SYNPR: variants seen among roughly 807,000 people sequenced by gnomAD.
SYNPR encodes the protein synaptoporin.
SYNPR carries 23 observed loss-of-function variants against 32.9 expected under a neutral mutation model. The observed-to-expected ratio is 0.70, with a 90% confidence interval of 0.50 to 0.99. The LOEUF (loss-of-function observed/expected upper bound fraction) is 0.99. SYNPR is among the 50% of genes least tolerant of loss of function. SYNPR has a pLI of 0.00. For synonymous variants in SYNPR, 146 were observed against 135.9 expected, an observed-to-expected ratio of 1.07 and a Z score of -0.52; for missense variants, 318 against 349.3, an observed-to-expected ratio of 0.91 and a Z score of 0.71.
intron 3 of SYNPR, among the ~76,000 whole-genome samples, chr3:63,533,417 C>A (rs115151041): frequency 0.012 from 1,856 of 152,204 alleles, 26 homozygotes; most frequent in African/African-American, 0.038. Flanking sequence ...GCAACAAAAA[C>A]GTGCATATGG....
At chr3:63,507,252 T>C (rs1701606688) in intron 3 of SYNPR, among the ~76,000 whole-genome samples, 1 of 152,110 alleles carries the variant, frequency 6.6e-6, no homozygotes, top group Non-Finnish European at 1.5e-5. Flanking sequence ...ATTTTAACCA[T>C]ATCTGCCCCA....
At chr3:63,554,396 A>G (rs952758535) in intron 3 of SYNPR, among the ~76,000 whole-genome samples, 1 of 152,216 alleles carries the variant, frequency 6.6e-6, no homozygotes, top group Non-Finnish European at 1.5e-5. Flanking sequence ...ATATGGTGAA[A>G]GGTAAGGGTC....
chr3:63,322,727 C>A (rs2087123989), intron 2 of SYNPR, among the ~76,000 whole-genome samples: 1 of 152,030 alleles, frequency 6.6e-6, no homozygotes, highest in Non-Finnish European at 1.5e-5. Context: ...GAGCTTAGGT[C>A]TGTGTGGGGC....
At chr3:63,355,802 C>A (rs1394829498) in intron 2 of SYNPR, among the ~76,000 whole-genome samples, 1 of 152,156 alleles carries the variant, frequency 6.6e-6, no homozygotes, top group African/African-American at 2.4e-5. Context: ...ACCTAGTTAA[C>A]TTTGACTCAT....
At chr3:63,388,719 C>T (rs1044344208) in intron 2 of SYNPR, among the ~76,000 whole-genome samples, 5 of 152,004 alleles carry the variant, frequency 3.3e-5, no homozygotes, top group Admixed American at 1.3e-4. Flanking sequence ...TGAGCCACCA[C>T]GCCCAGCCTG....
At chr3:63,598,118 A>C (rs1699987934) in intron 4 of SYNPR, among the ~76,000 whole-genome samples, 1 of 152,248 alleles carries the variant, frequency 6.6e-6, no homozygotes, top group Non-Finnish European at 1.5e-5. Context: ...TCAAGTAGCC[A>C]AAACAGACAA....
chr3:63,358,381 C>T (rs528572620), intron 2 of SYNPR, among the ~76,000 whole-genome samples: 4 of 152,288 alleles, frequency 2.6e-5, no homozygotes, highest in Non-Finnish European at 4.4e-5. Context: ...TTGCATGGCT[C>T]CAATCTCTGC....
Position 63,572,388 on chromosome 3 carries a change from T to A in SYNPR, c.408+15647T>A, listed in dbSNP as rs2106848476. Reference sequence around the variant, plus strand: ...ATTATTCAAAGTCTTCTGTCCTGTCTAAAGCATTGTTCTTGCAACAAGGAT... The same window carrying A: ...ATTATTCAAAGTCTTCTGTCCTGTCAAAAGCATTGTTCTTGCAACAAGGAT... On this transcript the variant is annotated intron_variant, in intron 4 of 5. Transcript: ENST00000478300. 1.3e-5 allele frequency among the ~76,000 whole-genome samples: 2 copies of A among 152,324 alleles called. 1 individual carries two copies. Among genetic ancestry groups the A allele is most frequent in the South Asian group, 4.1e-4 (2 of 4,832 alleles).
At chr3:63,531,217 A>C (rs1702107562) in intron 3 of SYNPR, among the ~76,000 whole-genome samples, 1 of 152,128 alleles carries the variant, frequency 6.6e-6, no homozygotes, top group Non-Finnish European at 1.5e-5. Flanking sequence ...GGCTGCCATA[A>C]CAAAGCATCA....
At chr3:63,562,913 T>C (rs950268622) in intron 4 of SYNPR, among the ~76,000 whole-genome samples, 46 of 152,302 alleles carry the variant, frequency 3.0e-4, no homozygotes, top group South Asian at 1.5e-3. Context: ...TTAATAATAA[T>C]GTGCACATCA....
At position 63,341,015 on chromosome 3, in the gene SYNPR, C is replaced by T. The variant is rs779786222; in HGVS notation, c.84+62273C>T. On this transcript the variant is annotated intron_variant, in intron 2 of 5. Transcript: ENST00000478300. Reference sequence around the variant, plus strand: ...GAATAGTTTAATCCCCCTAAAAATCCTCTATGCTCTATCTAGTCATCTCTC... The same window carrying T: ...GAATAGTTTAATCCCCCTAAAAATCTTCTATGCTCTATCTAGTCATCTCTC... 1.3e-3 allele frequency among the ~76,000 whole-genome samples: 192 copies of T among 152,258 alleles called. 1 individual carries two copies. The highest frequency in any genetic ancestry group is 1.6e-3 in the Non-Finnish European group (107 of 68,030).
chr3:63,597,312 T>C (rs1699976268), intron 4 of SYNPR, among the ~76,000 whole-genome samples: 1 of 152,184 alleles, frequency 6.6e-6, no homozygotes, highest in African/African-American at 2.4e-5. Context: ...AAATCCAGCA[T>C]TATTAACATA....
intron 3 of SYNPR, among the ~76,000 whole-genome samples, chr3:63,497,554 T>TG (rs1262485453): frequency 7.2e-6 from 1 of 138,152 alleles, no homozygotes; most frequent in Non-Finnish European, 1.5e-5. Context: ...GTGTTGCTGT[T>TG]TTTTTTTTTT....
At chr3:63,468,808 T>TACAA (rs931645689) in intron 2 of SYNPR, among the ~76,000 whole-genome samples, 13 of 151,910 alleles carry the variant, frequency 8.6e-5, no homozygotes, top group African/African-American at 1.2e-4. Context: ...CTCAAAAACA[T>TACAA]ACAAACAAAC....
intron 3 of SYNPR, among the ~76,000 whole-genome samples, chr3:63,525,776 T>C (rs1489147838): frequency 6.6e-6 from 1 of 152,200 alleles, no homozygotes; most frequent in Admixed American, 6.5e-5. Context: ...GGTTTGGCCA[T>C]GAACCAGGGA....
At chr3:63,259,961 T>G (rs548756997) in intron 2 of SYNPR, among the ~76,000 whole-genome samples, 1 of 152,102 alleles carries the variant, frequency 6.6e-6, no homozygotes, top group African/African-American at 2.4e-5. Flanking sequence ...GAGTGAACTC[T>G]CATTCACAAT....
At position 63,447,950 on chromosome 3, in the gene SYNPR, G is replaced by T. The variant is rs1173751031; in HGVS notation, c.85-32882G>T. Among the ~76,000 whole-genome samples, 3 of 152,084 alleles carry T rather than the reference G, an allele frequency of 2.0e-5. No homozygotes were observed. The South Asian group carries it at 6.2e-4, about 32-fold the overall frequency. On this transcript the variant is annotated intron_variant, in intron 2 of 5. Transcript: ENST00000478300. ...AGTAAATGATGTGTTGGGCATAAAA[G>T]GTTTCTACTGGTATTCCCCAGGGGA...
At chr3:63,491,548 T>TG (rs1455488385) in intron 3 of SYNPR, among the ~76,000 whole-genome samples, 1 of 152,182 alleles carries the variant, frequency 6.6e-6, no homozygotes, top group South Asian at 2.1e-4. Flanking sequence ...TTTGAGACAG[T>TG]CTTGCTCTGT....
chr3:63,553,871 G>T (rs758584356), intron 3 of SYNPR, among the ~76,000 whole-genome samples: 3 of 152,030 alleles, frequency 2.0e-5, no homozygotes, highest in Non-Finnish European at 4.4e-5. Context: ...ACAGGCATGC[G>T]CCACCATGCC....
Sources: gnomAD v4.1 joint callset for allele counts (sites outside exome capture counted in the v4.1 genomes callset) on GRCh38, gnomAD v4.1.1 for gene constraint, MANE v1.5 for transcripts, NCBI Gene and HGNC (gene_info 2026-07-23, HGNC 2026-07-21) for gene names.